TANGO6: variants seen among roughly 807,000 people sequenced by gnomAD.
The protein encoded by TANGO6 is transport and Golgi organization protein 6 homolog.
TANGO6 carries 90 observed loss-of-function variants against 114.2 expected under a neutral mutation model. The ratio of observed to expected loss-of-function variants is 0.79; its 90% CI spans 0.66 to 0.94. The LOEUF (loss-of-function observed/expected upper bound fraction) is 0.94, where lower values mean the gene tolerates loss of function less well. TANGO6 is among the 40% of genes least tolerant of loss of function. TANGO6 has a pLI of 0.00. For synonymous variants in TANGO6, 477 were observed against 509.8 expected (o/e 0.94, Z 0.87); for missense variants, 1,274 against 1,315.3 (o/e 0.97, Z 0.49).
intron 1 of TANGO6, among the ~76,000 whole-genome samples, chr16:68,844,078 C>T (rs1961767556): frequency 6.6e-6 from 1 of 152,110 alleles, no homozygotes; most frequent in Admixed American, 6.5e-5. Context: ...AATGTGAGGT[C>T]CTAGCCGCGT....
intron 14 of TANGO6, among the ~76,000 whole-genome samples, chr16:68,942,854 C>T (rs1426195292): frequency 6.6e-6 from 1 of 151,816 alleles, no homozygotes; most frequent in Non-Finnish European, 1.5e-5. Flanking sequence ...AAAGTCAAGC[C>T]TCTGAAATAT....
At chr16:69,045,149 C>CCA (rs1959831569) in intron 17 of TANGO6, among the ~76,000 whole-genome samples, 2 of 108,288 alleles carry the variant, frequency 1.8e-5, no homozygotes, top group Admixed American at 1.2e-4. Context: ...GAGGGAGACT[C>CCA]TTGTCTCAAA....
At chr16:68,902,546 C>A in intron 9 of TANGO6, 42 bp downstream of exon 9, 1 of 1,514,274 alleles carries the variant, frequency 6.6e-7, no homozygotes, top group South Asian at 1.3e-5. Context: ...AGATTTAGTT[C>A]CGCCCAAAAG....
intron 7 of TANGO6, among the ~76,000 whole-genome samples, chr16:68,883,804 A>G (rs192222244): frequency 1.3e-5 from 2 of 152,344 alleles, no homozygotes; most frequent in African/African-American, 2.4e-5. Context: ...AGTGAATCAC[A>G]TTCTTTCAGA....
At chr16:68,856,876 A>G (rs1261780724) in intron 1 of TANGO6, among the ~76,000 whole-genome samples, 2 of 152,050 alleles carry the variant, frequency 1.3e-5, no homozygotes, top group Admixed American at 6.6e-5. Context: ...TTGGGAGGCT[A>G]AGGTGGGCGG....
chr16:68,864,425 TA>T (rs1318976819), intron 3 of TANGO6, among the ~76,000 whole-genome samples: 4 of 151,468 alleles, frequency 2.6e-5, no homozygotes, highest in Admixed American at 6.6e-5. Flanking sequence ...AGATAAAAAA[TA>T]AAAAACTAGC....
chr16:68,895,354 A>G (rs1281835774), intron 7 of TANGO6, among the ~76,000 whole-genome samples: 1 of 152,192 alleles, frequency 6.6e-6, no homozygotes, highest in African/African-American at 2.4e-5. Flanking sequence ...GTCTCAAAAA[A>G]TAAAAATATA....
chr16:69,067,575 T>G (rs1960235230), intron 17 of TANGO6, among the ~76,000 whole-genome samples: 1 of 146,108 alleles, frequency 6.8e-6, no homozygotes, highest in Non-Finnish European at 1.5e-5. Flanking sequence ...ATCCCAGCAC[T>G]TTGGGAGGCC....
rs1353073824 is a variant in TANGO6, at chr16:69,040,413, G to T, written c.3100G>T (p.Ala1034Ser). 6.2e-6 allele frequency: 10 copies of T among 1,600,900 alleles called. No homozygotes were observed. The highest frequency in any genetic ancestry group is 8.5e-6 in the Non-Finnish European group (10 of 1,173,856). Residue 1034 changes from alanine (A) to serine (S), a missense_variant, in exon 17 of 18, where the codon GCT becomes TCT. Coordinates refer to ENST00000261778, the MANE Select transcript of TANGO6 (RefSeq NM_024562.2). ...VLLLRGLSQK[A>S]TEVLSAVLKD... ...GCTGCTTCGGGGACTCAGCCAGAAA[G>T]CTACTGAGGTCAGTCCGTCTCTCGC...
At chr16:68,954,326 G>A (rs958609098) in intron 14 of TANGO6, among the ~76,000 whole-genome samples, 1 of 151,614 alleles carries the variant, frequency 6.6e-6, no homozygotes, top group East Asian at 1.9e-4. Context: ...ACTACAGCAG[G>A]GAGGAGCAGG....
At chr16:68,974,753 A>G (rs1963745794) in intron 15 of TANGO6, among the ~76,000 whole-genome samples, 1 of 152,108 alleles carries the variant, frequency 6.6e-6, no homozygotes, top group African/African-American at 2.4e-5. Context: ...TAGAAGTCTC[A>G]CACTTGAGCA....
chr16:69,014,936 T>A (rs1219803531), intron 15 of TANGO6, among the ~76,000 whole-genome samples: 1 of 151,818 alleles, frequency 6.6e-6, no homozygotes, highest in African/African-American at 2.4e-5. Context: ...AAAGAACCTC[T>A]TATGTAGGAT....
intron 17 of TANGO6, among the ~76,000 whole-genome samples, chr16:69,052,008 C>G (rs1361012024): frequency 6.7e-6 from 1 of 148,470 alleles, no homozygotes; most frequent in Admixed American, 6.7e-5. Flanking sequence ...GGTGCAGTGC[C>G]ACCATCATGG....
At chr16:68,875,441 C>A (rs1596999929) in intron 5 of TANGO6, among the ~76,000 whole-genome samples, 151 bp downstream of exon 5, 1 of 151,968 alleles carries the variant, frequency 6.6e-6, no homozygotes, top group East Asian at 1.9e-4. Flanking sequence ...TGAATAAAAA[C>A]CGGTGGAAGA....
intron 16 of TANGO6, among the ~76,000 whole-genome samples, chr16:69,039,053 C>T (rs1270718537): frequency 1.3e-5 from 2 of 152,068 alleles, no homozygotes; most frequent in Admixed American, 6.6e-5. Context: ...GGTGTGGTGG[C>T]GGATGCCTGT....
intron 6 of TANGO6, among the ~76,000 whole-genome samples, chr16:68,878,899 C>G (rs1308285973): frequency 1.3e-5 from 2 of 151,680 alleles, no homozygotes; most frequent in Non-Finnish European, 2.9e-5. Flanking sequence ...TGGCAAAACC[C>G]CGTCTTAACC....
chr16:68,849,463 A>C (rs963181595), intron 1 of TANGO6, among the ~76,000 whole-genome samples: 2 of 152,088 alleles, frequency 1.3e-5, no homozygotes, highest in Non-Finnish European at 2.9e-5. Context: ...ATAGTAAAAC[A>C]CTGTCTCTAC....
chr16:68,960,607 A>C (rs1963579274), intron 14 of TANGO6, among the ~76,000 whole-genome samples: 1 of 152,030 alleles, frequency 6.6e-6, no homozygotes, highest in Non-Finnish European at 1.5e-5. Flanking sequence ...GGGTTTAAGC[A>C]ATTCTGCCTC....
intron 17 of TANGO6, among the ~76,000 whole-genome samples, chr16:69,064,984 A>G (rs1178840924): frequency 6.6e-6 from 1 of 152,194 alleles, no homozygotes; most frequent in Non-Finnish European, 1.5e-5. Context: ...CACTGAGTAC[A>G]GTTTGAAAGC....
Sources: gnomAD v4.1 joint callset for allele counts (sites outside exome capture counted in the v4.1 genomes callset) on GRCh38, gnomAD v4.1.1 for gene constraint, MANE v1.5 for transcripts, NCBI Gene and HGNC (gene_info 2026-07-23, HGNC 2026-07-21) for gene names.